NPAS3: variants seen among roughly 807,000 people sequenced by gnomAD.
NPAS3 encodes neuronal PAS domain-containing protein 3.
A neutral mutation model predicts 73.1 loss-of-function variants in NPAS3; 14 were observed. That is an observed-to-expected ratio of 0.19 (90% CI 0.13 to 0.30). The LOEUF is 0.30. NPAS3 is among the 10% of genes least tolerant of loss of function. NPAS3 has a pLI of 1.00. For synonymous variants in NPAS3, 620 were observed against 541.5 expected, an observed-to-expected ratio of 1.14 and a Z score of -2.01; for missense variants, 1,096 against 1,250.0, an observed-to-expected ratio of 0.88 and a Z score of 1.86.
At chr14:33,077,125 A>T (rs2041685895) in intron 2 of NPAS3, among the ~76,000 whole-genome samples, 1 of 152,170 alleles carries the variant, frequency 6.6e-6, no homozygotes, top group African/African-American at 2.4e-5. Flanking sequence ...GCACTAAACA[A>T]ATAGGTCAAT....
At position 32,985,906 on chromosome 14, in the gene NPAS3, G is replaced by T. The variant is rs142514130; in HGVS notation, c.50+46540G>T. Among the ~76,000 whole-genome samples, 101 of 152,302 alleles carry T rather than the reference G, an allele frequency of 6.6e-4. 2 individuals carry two copies. In the East Asian group the frequency reaches 0.017, roughly 25 times the overall value. On this transcript the variant is annotated intron_variant, in intron 1 of 11. Coordinates refer to ENST00000356141, the Ensembl canonical transcript of NPAS3. ...ATCAAGGATATAAATGGCTTTGAGT[G>T]AGTCGTTAGTCATAAGGTCCACGAT...
At chr14:33,439,555 T>G (rs1024637411) in intron 4 of NPAS3, among the ~76,000 whole-genome samples, 1 of 152,206 alleles carries the variant, frequency 6.6e-6, no homozygotes, top group Non-Finnish European at 1.5e-5. Flanking sequence ...TGAGGAAGAA[T>G]CTGAGTACTG....
In NPAS3 at chr14:33,361,454, T is replaced by A. The variant is rs115015910; in HGVS notation, c.386-5732T>A. ...ACATTGTATGTTTTCCCCTTAGTTC[T>A]TTAATAGTTGAAGCAATATAAATAC... On this transcript the variant is annotated intron_variant, in intron 3 of 11. Transcript: ENST00000356141. 3.9e-3 allele frequency among the ~76,000 whole-genome samples: 601 copies of A among 152,336 alleles called. 5 individuals carry two copies. Among genetic ancestry groups the A allele is most frequent in the African/African-American group, 0.014 (582 of 41,586 alleles).
At chr14:33,409,733 A>G (rs1053411866) in intron 4 of NPAS3, among the ~76,000 whole-genome samples, 7 of 152,192 alleles carry the variant, frequency 4.6e-5, no homozygotes, top group Admixed American at 2.0e-4. Context: ...TCAATTGAAT[A>G]CTACACAAAA....
rs541932418 is a variant in NPAS3 at position 33,709,708 on chromosome 14, C to T, written c.734-25506C>T. Among the ~76,000 whole-genome samples, 6 of 152,242 alleles carry T rather than the reference C, an allele frequency of 3.9e-5. No homozygotes were observed. The South Asian group carries it at 6.2e-4, about 16-fold the overall frequency. On this transcript the variant is annotated intron_variant, in intron 6 of 11. Coordinates refer to ENST00000356141, the Ensembl canonical transcript of NPAS3. ...AACACTGAAGCCCGCAAAGGTTTACCGCCTGCTAATGAACAGCCAAGCCCA... is the reference window on the plus strand; with the variant it reads ...AACACTGAAGCCCGCAAAGGTTTACTGCCTGCTAATGAACAGCCAAGCCCA...
intron 2 of NPAS3, among the ~76,000 whole-genome samples, chr14:33,158,374 G>T (rs114257329): frequency 6.6e-6 from 1 of 152,156 alleles, no homozygotes; most frequent in Non-Finnish European, 1.5e-5. Context: ...GTTTAGATGC[G>T]TATGTATTTA....
chr14:33,336,472 T>G (rs891896005), intron 3 of NPAS3, among the ~76,000 whole-genome samples: 3 of 152,224 alleles, frequency 2.0e-5, no homozygotes, highest in African/African-American at 7.2e-5. Context: ...GTCCTTGCCT[T>G]GTGGCTCCTT....
chr14:33,593,129 A>G (rs2057126615), intron 5 of NPAS3, among the ~76,000 whole-genome samples: 1 of 152,256 alleles, frequency 6.6e-6, no homozygotes, highest in South Asian at 2.1e-4. Flanking sequence ...AGCAGCACCT[A>G]TCGTTTATGA....
intron 5 of NPAS3, among the ~76,000 whole-genome samples, chr14:33,627,128 G>A (rs562862142): frequency 8.5e-5 from 13 of 152,226 alleles, no homozygotes; most frequent in African/African-American, 2.6e-4. Flanking sequence ...TAAAGTTTCT[G>A]TCAAGTAGCA....
At chr14:33,099,542 C>G (rs2042522958) in intron 2 of NPAS3, among the ~76,000 whole-genome samples, 1 of 152,050 alleles carries the variant, frequency 6.6e-6, no homozygotes, top group African/African-American at 2.4e-5. Flanking sequence ...TTTGAACATG[C>G]TTTGTATAAG....
intron 6 of NPAS3, among the ~76,000 whole-genome samples, chr14:33,719,273 G>C (rs951375863): frequency 1.3e-5 from 2 of 152,144 alleles, no homozygotes; most frequent in Non-Finnish European, 2.9e-5. Context: ...GATGGGATTT[G>C]CTGCTCTGGG....
At chr14:33,752,200 T>C (rs529457150) in intron 7 of NPAS3, among the ~76,000 whole-genome samples, 37 of 152,220 alleles carry the variant, frequency 2.4e-4, no homozygotes, top group Non-Finnish European at 4.4e-4. Context: ...GTGCTTTGTA[T>C]TGCAGATCAT....
intron 3 of NPAS3, among the ~76,000 whole-genome samples, chr14:33,233,447 A>G (rs948193325): frequency 1.3e-5 from 2 of 152,152 alleles, no homozygotes; most frequent in African/African-American, 2.4e-5. Context: ...AAGCTCTTAC[A>G]TGTAGGTCAT....
rs1221953246 is a variant in NPAS3, at chr14:33,544,789, TATATATATATATATATA to T, written c.469-15331_469-15315del. Among the ~76,000 whole-genome samples, 95 of 77,642 alleles carry T rather than the reference TATATATATATATATATA, an allele frequency of 1.2e-3. 3 individuals carry two copies. Among genetic ancestry groups the T allele is most frequent in the African/African-American group, 6.0e-3 (88 of 14,724 alleles). The allele number at this position is 77,642 out of a possible 152,430, so 50.9% of individuals were successfully genotyped here. A position where few individuals can be genotyped will look rare whatever the true frequency, so the allele number is the denominator to read the frequency against. ...CATGTATGTGTTTATGTGTGTGTATTATATATATATATATATATATATGTATATATAATATATATGTG... is the reference window on the plus strand; with the variant it reads ...CATGTATGTGTTTATGTGTGTGTATTTATATGTATATATAATATATATGTG... On this transcript the variant is annotated intron_variant, in intron 4 of 11. Transcript: ENST00000356141.
chr14:33,390,155 G>C (rs1274301378), intron 4 of NPAS3, among the ~76,000 whole-genome samples: 1 of 152,152 alleles, frequency 6.6e-6, no homozygotes, highest in Non-Finnish European at 1.5e-5. Flanking sequence ...GAATACAATT[G>C]CTTTGTAAGA....
chr14:33,175,959 G>A (rs1048513780), intron 2 of NPAS3, among the ~76,000 whole-genome samples: 15 of 152,034 alleles, frequency 9.9e-5, no homozygotes, highest in Non-Finnish European at 1.3e-4. Context: ...CCAGAGGCAG[G>A]AATTTAAAAA....
At chr14:33,558,630 A>G (rs948260355) in intron 4 of NPAS3, among the ~76,000 whole-genome samples, 3 of 151,650 alleles carry the variant, frequency 2.0e-5, no homozygotes, top group Non-Finnish European at 4.4e-5. Flanking sequence ...ATACATATAT[A>G]TACACATATA....
intron 3 of NPAS3, among the ~76,000 whole-genome samples, chr14:33,255,555 G>A (rs1413099337): frequency 6.6e-6 from 1 of 151,990 alleles, no homozygotes; most frequent in African/African-American, 2.4e-5. Context: ...TTGCCAAGTG[G>A]GCTATTAGTT....
intron 5 of NPAS3, among the ~76,000 whole-genome samples, chr14:33,663,993 C>T (rs1437381505): frequency 6.6e-6 from 1 of 151,724 alleles, no homozygotes; most frequent in African/African-American, 2.4e-5. Context: ...AAAAACAGCT[C>T]CTGGATTCAT....
Sources: gnomAD v4.1 joint callset for allele counts (sites outside exome capture counted in the v4.1 genomes callset) on GRCh38, gnomAD v4.1.1 for gene constraint, MANE v1.5 for transcripts, NCBI Gene and HGNC (gene_info 2026-07-23, HGNC 2026-07-21) for gene names.